The following PVALEF variants were observed in gnomAD, a reference collection of about 807,000 sequenced individuals.
PVALEF encodes parvalbumin like EF-hand containing.
In PVALEF, 2 loss-of-function variants were observed where a neutral mutation model predicts 1.2. The observed-to-expected ratio is 1.68, with a 90% confidence interval of 0.69 to 5.28. The LOEUF is 5.28. Among genes scored for constraint, PVALEF ranks in the 30% most tolerant of loss-of-function variants. The pLI is 0.06. For missense variants in PVALEF, 35 were observed against 17.7 expected (o/e 1.97, Z -1.75); for synonymous variants, 16 against 6.5 (o/e 2.47, Z -2.24).
chr17:81,170,060 T>C (rs1247543278), intron 2 of PVALEF, among the ~76,000 whole-genome samples: 3 of 141,232 alleles, frequency 2.1e-5, no homozygotes, highest in African/African-American at 8.0e-5. Flanking sequence ...GCATGTGTGT[T>C]GGTGTGTATG....
chr17:81,182,852 T>C, intron 6 of PVALEF, 113 bp from the exon 7 acceptor site: 1 of 396,174 alleles, frequency 2.5e-6, no homozygotes, highest in Non-Finnish European at 4.4e-6. Context: ...CAGGACCCCC[T>C]GGACTGTGTA....
intron 2 of PVALEF, among the ~76,000 whole-genome samples, chr17:81,170,348 GGTGCGTGTGTGTCT>G (rs1434824437): frequency 1.3e-5 from 2 of 151,634 alleles, no homozygotes; most frequent in Admixed American, 1.3e-4. Context: ...CATATGTGTA[GGTGCGTGTGTGTCT>G]GTGCGTGTGT....
At position 81,180,043 on chromosome 17, in the gene PVALEF, G is replaced by C. The variant is rs1001182769; in HGVS notation, c.-105+891G>C. ...CTGGGATCCCATTAAACTCCAGCCC[G>C]GGCCGCGGATGCACGAGCTATAAAT... is the stretch of plus-strand genomic sequence containing the variant. On this transcript the variant is annotated intron_variant, in intron 3 of 6. Coordinates refer to ENST00000637878, the MANE Select transcript of PVALEF (RefSeq NM_001354639.2). 3.3e-5 allele frequency among the ~76,000 whole-genome samples: 5 copies of C among 152,148 alleles called. No individual in the cohort carries two copies. In the South Asian group the frequency reaches 8.3e-4, roughly 25 times the overall value.
chr17:81,181,899 C>T (rs974254723), intron 5 of PVALEF, 67 bp from the exon 6 acceptor site: 46 of 398,236 alleles, frequency 1.2e-4, no homozygotes, highest in Non-Finnish European at 1.6e-4. Context: ...GGGGGGCGAA[C>T]GGCTCGTGAG....
rs1356299223 is a variant in PVALEF at position 81,165,695 on chromosome 17, G to A, written c.-560G>A. 6.6e-7 allele frequency: 1 copy of A among 1,516,238 alleles called. No homozygotes were observed. The highest frequency in any genetic ancestry group is 8.8e-7 in the Non-Finnish European group (1 of 1,134,256). The allele number at this position is 1,516,238 out of a possible 1,614,324, so 93.9% of individuals were successfully genotyped here. A position where few individuals can be genotyped will look rare whatever the true frequency, so the allele number is the denominator to read the frequency against. On this transcript the variant is annotated 5_prime_UTR_variant, in exon 1 of 7. Transcript: ENST00000637878. ...TGCCCCAGTTACCTGTGCCCTGGAG[G>A]CAGCCACGGAGTCACGACCACGCGG...
chr17:81,172,055 C>T (rs1163621144), intron 2 of PVALEF, among the ~76,000 whole-genome samples: 7 of 152,216 alleles, frequency 4.6e-5, no homozygotes, highest in African/African-American at 9.6e-5. Context: ...TATGTGGGGG[C>T]GTCTGCCACG....
chr17:81,170,187 ATG>A lies in PVALEF; in HGVS notation c.-340+3347_-340+3348del, dbSNP rs558138623. Among the ~76,000 whole-genome samples the A allele has an allele frequency of 1.4e-3, 216 of 149,262 alleles. 1 individual carries two copies. The highest frequency in any genetic ancestry group is 3.1e-3 in the African/African-American group (127 of 40,350). On this transcript the variant is annotated intron_variant, in intron 2 of 6. Transcript: ENST00000637878. ...TGTGTGCATGTGTAGGTGTGTGTGC[ATG>A]TGTCTTTGCATATGTGTAGGTGTGT...
rs902971945 is a variant in PVALEF at position 81,182,008 on chromosome 17, G to A, written c.285G>A (p.Pro95=). 1.1e-4 allele frequency: 42 copies of A among 398,642 alleles called. No homozygotes were observed. The highest frequency in any genetic ancestry group is 6.2e-4 in the Middle Eastern group (1 of 1,610). The allele number at this position is 398,642 out of a possible 1,614,324, so 24.7% of individuals were successfully genotyped here. The part of the protein sequence containing the change: ...SIIPSSGPTT[P]LTDEEAEAMI... The stretch of plus-strand genomic sequence containing the variant: ...TCCCCAGCAGCGGGCCCACCACCCC[G>A]CTGACAGACGAGGAGGCCGAGGCCA... Residue 95 remains proline, a synonymous_variant, in exon 6 of 7, where the codon CCG becomes CCA. Coordinates refer to ENST00000637878, the MANE Select transcript of PVALEF (RefSeq NM_001354639.2).
intron 2 of PVALEF, among the ~76,000 whole-genome samples, chr17:81,177,758 G>T (rs1270218709): frequency 6.6e-6 from 1 of 152,210 alleles, no homozygotes; most frequent in Non-Finnish European, 1.5e-5. Context: ...CAAATGTTCT[G>T]TAATAAACCT....
intron 2 of PVALEF, among the ~76,000 whole-genome samples, chr17:81,171,693 T>A (rs941757376): frequency 6.6e-6 from 1 of 152,034 alleles, no homozygotes; most frequent in African/African-American, 2.4e-5. Context: ...GGGGTTTCAC[T>A]GTGTTAGCCA....
chr17:81,170,198 C>T (rs868860704), intron 2 of PVALEF, among the ~76,000 whole-genome samples: 1 of 149,498 alleles, frequency 6.7e-6, no homozygotes, highest in African/African-American at 2.5e-5. Flanking sequence ...TGTGTCTTTG[C>T]ATATGTGTAG....
chr17:81,167,556 G>GC (rs145534883), intron 2 of PVALEF, among the ~76,000 whole-genome samples: 133 of 152,316 alleles, frequency 8.7e-4, no homozygotes, highest in African/African-American at 3.0e-3. Flanking sequence ...GGATGCTTGG[G>GC]CCACGGGGCA....
chr17:81,167,823 C>T lies in PVALEF; in HGVS notation c.-340+979C>T, dbSNP rs926793090. ...AGGCTGCCGTTGCAGGTAAAGAAGC[C>T]GCGTGGGTAGAGTGGCTGAAGGGGG... On this transcript the variant is annotated intron_variant, in intron 2 of 6. Transcript: ENST00000637878. Among the ~76,000 whole-genome samples, 9 of 152,330 alleles carry T rather than the reference C, an allele frequency of 5.9e-5. 1 individual carries two copies. The highest frequency in any genetic ancestry group is 2.1e-4 in the South Asian group (1 of 4,830).
chr17:81,170,298 T>C (rs1445992851), intron 2 of PVALEF, among the ~76,000 whole-genome samples: 1 of 151,640 alleles, frequency 6.6e-6, no homozygotes, highest in African/African-American at 2.4e-5. Flanking sequence ...TTGGTATATG[T>C]GTGTCTGTGT....
chr17:81,172,205 C>CTGCT (rs1161297024), intron 2 of PVALEF, among the ~76,000 whole-genome samples: 3 of 152,192 alleles, frequency 2.0e-5, no homozygotes. Flanking sequence ...GAGGTCAGGG[C>CTGCT]TGCTTGCTGG....
chr17:81,182,261 G>A (rs1013020892), intron 6 of PVALEF, among the ~76,000 whole-genome samples, 180 bp downstream of exon 6: 4 of 152,254 alleles, frequency 2.6e-5, no homozygotes, highest in East Asian at 3.8e-4. Context: ...CCACTGCAGA[G>A]AGGTGGCCAG....
At chr17:81,168,626 A>C (rs948985136) in intron 2 of PVALEF, among the ~76,000 whole-genome samples, 3 of 152,008 alleles carry the variant, frequency 2.0e-5, no homozygotes, top group African/African-American at 7.2e-5. Context: ...GGAAGGCATG[A>C]TCTCCGCCCC....
chr17:81,170,320 GGTGTGTGCAT>G (rs974762358), intron 2 of PVALEF, among the ~76,000 whole-genome samples: 3 of 135,770 alleles, frequency 2.2e-5, no homozygotes, highest in South Asian at 2.4e-4. Context: ...GGTATGTAGG[GGTGTGTGCAT>G]GTGTGTGCAT....
intron 2 of PVALEF, among the ~76,000 whole-genome samples, chr17:81,175,534 T>C (rs9900241): frequency 0.24 from 36,426 of 151,824 alleles, 4,672 homozygotes; most frequent in Non-Finnish European, 0.28. Flanking sequence ...GTTTTCAAAA[T>C]TCACTACAAA....
Sources: allele counts gnomAD v4.1 joint callset (sites outside exome capture counted in the v4.1 genomes callset), GRCh38; gene constraint gnomAD v4.1.1; transcripts MANE v1.5; gene names NCBI Gene and HGNC (gene_info 2026-07-23, HGNC 2026-07-21).